MEGF10: variants seen among roughly 807,000 people sequenced by gnomAD.
MEGF10 encodes multiple EGF like domains 10.
A neutral mutation model predicts 147.5 loss-of-function variants in MEGF10; 86 were observed. That is an observed-to-expected ratio of 0.58 (90% CI 0.49 to 0.70). MEGF10 has a LOEUF of 0.70. Ranked by LOEUF, MEGF10 falls within the 30% of genes least tolerant of loss-of-function variation. The pLI is 0.00. For missense variants in MEGF10, 1,329 were observed against 1,487.3 expected (o/e 0.89, Z 1.75); for synonymous variants, 478 against 525.5 (o/e 0.91, Z 1.24).
the MEGF10 span, among the ~76,000 whole-genome samples, chr5:127,268,853 G>A: frequency 1.3e-5 from 2 of 152,254 alleles, no homozygotes; most frequent in Non-Finnish European, 2.9e-5. Context: ...GGGGCAGACT[G>A]ACACTTCACT....
At chr5:127,323,038 A>G (rs2126766031) in intron 1 of MEGF10, among the ~76,000 whole-genome samples, 1 of 152,236 alleles carries the variant, frequency 6.6e-6, no homozygotes, top group African/African-American at 2.4e-5. Context: ...ATATATGTAT[A>G]TGCACAGGCA....
chr5:127,367,624 G>A (rs1762703795), intron 4 of MEGF10, among the ~76,000 whole-genome samples: 1 of 152,062 alleles, frequency 6.6e-6, no homozygotes, highest in South Asian at 2.1e-4. Context: ...TCTGTGTTTT[G>A]GTTTAAATGC....
chr5:127,453,246 G>T (rs1165233211), intron 22 of MEGF10, among the ~76,000 whole-genome samples: 1 of 152,202 alleles, frequency 6.6e-6, no homozygotes, highest in African/African-American at 2.4e-5. Context: ...GATTAGTGAT[G>T]AAGTTTTGCC....
chr5:127,306,675 C>T (rs547038706), intron 1 of MEGF10, among the ~76,000 whole-genome samples: 59 of 152,314 alleles, frequency 3.9e-4, no homozygotes, highest in African/African-American at 1.4e-3. Context: ...CGAAGATGCT[C>T]GCGGGTGGTT....
the MEGF10 span, among the ~76,000 whole-genome samples, chr5:127,278,196 A>G: frequency 1.3e-5 from 2 of 152,204 alleles, no homozygotes; most frequent in African/African-American, 4.8e-5. Flanking sequence ...AGGAGCCACC[A>G]GAGAGAAAAA....
At chr5:127,294,192 C>T (rs912613932) in intron 1 of MEGF10, among the ~76,000 whole-genome samples, 10 of 152,196 alleles carry the variant, frequency 6.6e-5, no homozygotes, top group African/African-American at 1.9e-4. Flanking sequence ...ATATCTCATG[C>T]GAGTTCCCAT....
At position 127,398,884 on chromosome 5, in the gene MEGF10, A is replaced by G. The variant is rs1421280422; in HGVS notation, c.780+88A>G. On this transcript the variant is annotated intron_variant, in intron 7 of 24. Coordinates refer to ENST00000503335, the MANE Select transcript of MEGF10 (RefSeq NM_001256545.2). Reference sequence around the variant, plus strand: ...GCATACACATGCAGGAGACTTTAGCACAAAGGAAAGTTACCATGATGGTTG... The same window carrying G: ...GCATACACATGCAGGAGACTTTAGCGCAAAGGAAAGTTACCATGATGGTTG... The G allele has an allele frequency of 9.0e-6, 14 of 1,554,286 alleles. No homozygotes were observed. In the East Asian group the frequency reaches 3.2e-4, roughly 35 times the overall value.
intron 8 of MEGF10, among the ~76,000 whole-genome samples, chr5:127,410,115 T>C: frequency 6.6e-6 from 1 of 152,242 alleles, no homozygotes; most frequent in Admixed American, 6.5e-5. Context: ...ACATGCCTCA[T>C]GTCCTAAGCT....
intron 5 of MEGF10, among the ~76,000 whole-genome samples, chr5:127,374,175 C>A (rs1355837709): frequency 6.6e-6 from 1 of 152,190 alleles, no homozygotes; most frequent in Non-Finnish European, 1.5e-5. Flanking sequence ...CTCCAGGAGC[C>A]AGGTACTGGA....
At chr5:127,414,934 T>C (rs1764702232) in intron 9 of MEGF10, among the ~76,000 whole-genome samples, 1 of 151,864 alleles carries the variant, frequency 6.6e-6, no homozygotes, top group African/African-American at 2.4e-5. Context: ...TACCTTCAAT[T>C]TGGGTGGACA....
chr5:127,443,801 T>TATGG (rs1489229750), intron 19 of MEGF10, among the ~76,000 whole-genome samples: 1 of 152,236 alleles, frequency 6.6e-6, no homozygotes, highest in East Asian at 1.9e-4. Flanking sequence ...TATTCCATTG[T>TATGG]ATGGATATAC....
At chr5:127,255,543 TGAAGCTA>T in the MEGF10 span, among the ~76,000 whole-genome samples, 2 of 152,132 alleles carry the variant, frequency 1.3e-5, no homozygotes, top group African/African-American at 4.8e-5. Flanking sequence ...AGCCAGCCTA[TGAAGCTA>T]GAAGCAAGAT....
At chr5:127,259,878 C>T in the MEGF10 span, among the ~76,000 whole-genome samples, 2 of 152,032 alleles carry the variant, frequency 1.3e-5, no homozygotes, top group East Asian at 1.9e-4. Context: ...AAGAGGTGGC[C>T]GGGCACGGTG....
chr5:127,408,793 A>G (rs6865700), intron 8 of MEGF10, among the ~76,000 whole-genome samples: 3,156 of 152,296 alleles, frequency 0.021, 59 homozygotes, highest in Middle Eastern at 0.085. Context: ...AAGCATCGAA[A>G]GGGCTGGTCC....
intron 22 of MEGF10, among the ~76,000 whole-genome samples, chr5:127,453,165 T>C (rs1422954345): frequency 6.6e-6 from 1 of 152,224 alleles, no homozygotes; most frequent in African/African-American, 2.4e-5. Context: ...GGAATGTTCA[T>C]TGCTAGTTGT....
intron 1 of MEGF10, among the ~76,000 whole-genome samples, chr5:127,330,196 G>A (rs1193772526): frequency 6.6e-6 from 1 of 152,016 alleles, no homozygotes; most frequent in East Asian, 1.9e-4. Flanking sequence ...TCCACTTCCT[G>A]CAACCCCATT....
At chr5:127,387,957 G>A (rs188050348) in intron 5 of MEGF10, among the ~76,000 whole-genome samples, 21 of 151,208 alleles carry the variant, frequency 1.4e-4, no homozygotes, top group African/African-American at 4.6e-4. Context: ...GATTTTCTGG[G>A]TTTCTCTGCT....
chr5:127,303,822 C>T (rs895987117), intron 1 of MEGF10, among the ~76,000 whole-genome samples: 9 of 152,120 alleles, frequency 5.9e-5, no homozygotes, highest in African/African-American at 2.2e-4. Flanking sequence ...GAATGTATGT[C>T]CATGAAACAG....
chr5:127,336,723 C>T (rs936851189), intron 2 of MEGF10, among the ~76,000 whole-genome samples: 3 of 152,058 alleles, frequency 2.0e-5, no homozygotes, highest in African/African-American at 7.2e-5. Context: ...AGGTCTAGTT[C>T]CAACAAATGA....
Sources: gnomAD v4.1 joint callset for allele counts (sites outside exome capture counted in the v4.1 genomes callset) on GRCh38, gnomAD v4.1.1 for gene constraint, MANE v1.5 for transcripts, NCBI Gene and HGNC (gene_info 2026-07-23, HGNC 2026-07-21) for gene names.